Variants in OR6P1 observed in about 807,000 individuals in gnomAD.
OR6P1 encodes olfactory receptor family 6 subfamily P member 1, also known as olfactory receptor 6P1.
OR6P1 carries 5 observed loss-of-function variants against 6.6 expected under a neutral mutation model. The observed-to-expected ratio is 0.76, with a 90% CI of 0.40 to 1.60. The LOEUF (loss-of-function observed/expected upper bound fraction) is 1.60. OR6P1 is among the 40% of genes most tolerant of loss of function. The probability of loss-of-function intolerance (pLI) is 0.02; values close to 1 mark genes in which losing one functional copy is unlikely to be tolerated. For missense variants in OR6P1, 451 were observed against 383.0 expected, an observed-to-expected ratio of 1.18 and a Z score of -1.48; for synonymous variants, 177 against 149.6, an observed-to-expected ratio of 1.18 and a Z score of -1.33.
In OR6P1 at chr1:158,562,877, G is replaced by A. The variant is rs1428810406; in HGVS notation, c.728C>T (p.Ala243Val). The change falls in exon 3 of 3, where the codon GCT becomes GTT. Residue 243 changes from alanine to valine, a missense_variant. Transcript: ENST00000641540. Reference sequence around the variant, plus strand: ...GTAGATAACAACCACTGCCAGATGAGCGGCACAAGTGGAAAAGGCTTTGTG... The same window carrying A: ...GTAGATAACAACCACTGCCAGATGAACGGCACAAGTGGAAAAGGCTTTGTG... ...GRHKAFSTCA[A>V]HLAVVVIYYS... The A allele has an allele frequency of 2.0e-5, 31 of 1,552,056 alleles. No individual in the cohort carries two copies. Among genetic ancestry groups the A allele is most frequent in the Non-Finnish European group, 2.5e-5 (29 of 1,147,082 alleles).
Position 158,561,000 on chromosome 1 carries a change from C to A in OR6P1, c.*1651G>T, listed in dbSNP as rs1220100914. On this transcript the variant is annotated 3_prime_UTR_variant, in exon 3 of 3. Transcript: ENST00000641540. ...CCAGAACTAGAAATTAATCCAAGAT[C>A]AAATTTATCCAAAAGGAAAGAGAAA... is the stretch of plus-strand genomic sequence containing the variant. 1.3e-5 allele frequency: 2 copies of A among 151,936 alleles called. No individual in the cohort carries two copies. The highest frequency in any genetic ancestry group is 4.8e-5 in the African/African-American group (2 of 41,328). 9.4% of individuals were successfully genotyped at this position (151,936 alleles called of 1,614,324 possible).
At position 158,563,607 on chromosome 1, in the gene OR6P1, C is replaced by A; in HGVS notation, c.-3G>T. ...TGGCCTCCACTCAAATTTCTCATGG[C>A]TCTCTGTCCACTTGAGTGCCTAAAA... On this transcript the variant is annotated 5_prime_UTR_variant, in exon 3 of 3. Coordinates refer to ENST00000641540, the MANE Select transcript of OR6P1 (RefSeq NM_001160325.2). 6.5e-7 allele frequency: 1 copy of A among 1,528,210 alleles called. No individual in the cohort carries two copies. The highest frequency in any genetic ancestry group is 8.8e-7 in the Non-Finnish European group (1 of 1,137,648). 94.7% of individuals were successfully genotyped at this position (1,528,210 alleles called of 1,614,324 possible).
Position 158,562,940 on chromosome 1 carries a change from A to G in OR6P1, c.665T>C (p.Ile222Thr), listed in dbSNP as rs1053749823. 8 of 1,551,656 alleles carry G rather than the reference A, an allele frequency of 5.2e-6. No homozygotes were observed. The highest frequency in any genetic ancestry group is 2.7e-5 in the African/African-American group (2 of 73,040). ...CGTAGGGATCCTCAGGATGGCTGCAATGATGGCAGTGTATGATGAAACCAC... is the reference window on the plus strand; with the variant it reads ...CGTAGGGATCCTCAGGATGGCTGCAGTGATGGCAGTGTATGATGAAACCAC... The part of the protein sequence containing the change: ...LAVVSSYTAI[I>T]AAILRIPTSR... Residue 222 changes from isoleucine (I) to threonine (T), a missense_variant, in exon 3 of 3, where the codon ATT (isoleucine) becomes ACT (threonine). Ile to Thr is a moderately conservative substitution (Grantham distance 89). Transcript: ENST00000641540.
chr1:158,563,434 A>G lies in OR6P1; in HGVS notation c.171T>C (p.Arg57=), dbSNP rs12081915. Residue 57 remains arginine, a synonymous_variant, in exon 3 of 3, where the codon CGT becomes CGC. Transcript: ENST00000641540. ...GATGGCCAAGGAAAAAGTACATGGG[A>G]CGATGAAGGCTTGGAGCAAGCCATA... The part of the protein sequence containing the change: ...FTIWLAPSLH[R]PMYFFLGHLS... 737,932 of 1,550,310 alleles carry G rather than the reference A, an allele frequency of 0.48. 177,991 individuals are homozygous for G. The highest frequency in any genetic ancestry group is 0.64 in the African/African-American group (46,957 of 72,940).
rs866035897 is a variant in OR6P1, at chr1:158,563,439, G to A, written c.166C>T (p.His56Tyr). 6.4e-7 allele frequency: 1 copy of A among 1,551,184 alleles called. No homozygotes were observed. Among genetic ancestry groups the A allele is most frequent in the Non-Finnish European group, 8.7e-7 (1 of 1,146,780 alleles). The change falls in exon 3 of 3, where the codon CAT becomes TAT. Residue 56 changes from histidine (H) to tyrosine (Y), a missense_variant. His to Tyr is a moderately conservative substitution (Grantham distance 83). Coordinates refer to ENST00000641540, the MANE Select transcript of OR6P1 (RefSeq NM_001160325.2). ...CCAAGGAAAAAGTACATGGGACGAT[G>A]AAGGCTTGGAGCAAGCCATATTGTG... ...VFTIWLAPSL[H>Y]RPMYFFLGHL...
At chr1:158,567,183 T>C (rs982359198) in intron 1 of OR6P1, among the ~76,000 whole-genome samples, 2 of 151,730 alleles carry the variant, frequency 1.3e-5, no homozygotes, top group African/African-American at 4.8e-5. Flanking sequence ...GGAACACTTT[T>C]ACACTGTTGG....
Position 158,561,542 on chromosome 1 carries a change from A to G in OR6P1, c.*1109T>C, listed in dbSNP as rs144626608. The G allele has an allele frequency of 6.6e-6, 1 of 152,314 alleles. No individual in the cohort carries two copies. The highest frequency in any genetic ancestry group is 6.5e-5 in the Admixed American group (1 of 15,298). The allele number at this position is 152,314 out of a possible 1,614,324, so 9.4% of individuals were successfully genotyped here. On this transcript the variant is annotated 3_prime_UTR_variant, in exon 3 of 3. Transcript: ENST00000641540. ...CAATATGCATATTTATTGTTATTGC[A>G]TATTTATTTTGTTTCACATATCCCA...
At chr1:158,564,495 G>C (rs1201274407) in intron 2 of OR6P1, among the ~76,000 whole-genome samples, 2 of 152,152 alleles carry the variant, frequency 1.3e-5, no homozygotes, top group African/African-American at 4.8e-5. Flanking sequence ...ACACACAGAG[G>C]AGAAGGCAAT....
At position 158,560,623 on chromosome 1, in the gene OR6P1, T is replaced by G. The variant is rs1054486289; in HGVS notation, c.*2028A>C. ...AGAAGGGCAGTTTTAGGAGTTTCTC[T>G]TACAGAAAGGAAGTCCTGAAAGCAG... On this transcript the variant is annotated 3_prime_UTR_variant, in exon 3 of 3. Coordinates refer to ENST00000641540, the MANE Select transcript of OR6P1 (RefSeq NM_001160325.2). 1 of 152,170 alleles carries G rather than the reference T, an allele frequency of 6.6e-6. No individual in the cohort carries two copies. The highest frequency in any genetic ancestry group is 2.4e-5 in the African/African-American group (1 of 41,438). The allele number at this position is 152,170 out of a possible 1,614,324, so 9.4% of individuals were successfully genotyped here. A position where few individuals can be genotyped will look rare whatever the true frequency, so the allele number is the denominator to read the frequency against.
chr1:158,562,971 A>T lies in OR6P1; in HGVS notation c.634T>A (p.Leu212Met). The change falls in exon 3 of 3, where the codon TTG becomes ATG. Residue 212 changes from leucine to methionine, a missense_variant. By Grantham distance (15) the Leu-to-Met change is conservative. Transcript: ENST00000641540. ...LALVMILLPL[L>M]AVVSSYTAII... is the part of the protein sequence containing the mutation. ...GCAGTGTATGATGAAACCACAGCCA[A>T]TAGAGGGAGTAGAATCATCACCAGG... is the stretch of plus-strand genomic sequence containing the variant. 6.4e-7 allele frequency: 1 copy of T among 1,551,730 alleles called. No homozygotes were observed. Among genetic ancestry groups the T allele is most frequent in the Non-Finnish European group, 8.7e-7 (1 of 1,147,004 alleles).
chr1:158,569,649 G>T (rs1275073919), intron 1 of OR6P1, among the ~76,000 whole-genome samples: 1 of 152,144 alleles, frequency 6.6e-6, no homozygotes, highest in Non-Finnish European at 1.5e-5. Flanking sequence ...ACTCTGTGCA[G>T]GGTAGTGAGT....
At chr1:158,565,469 T>C (rs1358118135) in intron 2 of OR6P1, among the ~76,000 whole-genome samples, 5 of 152,222 alleles carry the variant, frequency 3.3e-5, no homozygotes, top group Non-Finnish European at 7.3e-5. Flanking sequence ...AAGTCTTTTA[T>C]TGATTTCTCT....
rs893734038 is a variant in OR6P1 at position 158,561,963 on chromosome 1, A to T, written c.*688T>A. 6.6e-6 allele frequency: 1 copy of T among 152,422 alleles called. No homozygotes were observed. The highest frequency in any genetic ancestry group is 2.4e-5 in the African/African-American group (1 of 41,582). 9.4% of individuals were successfully genotyped at this position (152,422 alleles called of 1,614,324 possible). A position where few individuals can be genotyped will look rare whatever the true frequency, so the allele number is the denominator to read the frequency against. On this transcript the variant is annotated 3_prime_UTR_variant, in exon 3 of 3. Coordinates refer to ENST00000641540, the MANE Select transcript of OR6P1 (RefSeq NM_001160325.2). ...TACCTGGTCAATATTTGTTAGGTCA[A>T]CCAGCTTTACATGCCCCTGAGATTC...
rs1300857037 is a variant in OR6P1 at position 158,563,099 on chromosome 1, C to G, written c.506G>C (p.Cys169Ser). ...AAAGTGGTTGATAATGTTGGGTCCA[C>G]AGTAGGACAATTGGGAAATAAAAAG... ...KLLFISQLSY[C>S]GPNIINHFFC... Residue 169 changes from cysteine to serine, a missense_variant, in exon 3 of 3, where the codon TGT (cysteine) becomes TCT (serine). By Grantham distance (112) the Cys-to-Ser change is moderately radical. Coordinates refer to ENST00000641540, the MANE Select transcript of OR6P1 (RefSeq NM_001160325.2). 13 of 1,551,632 alleles carry G rather than the reference C, an allele frequency of 8.4e-6. No individual in the cohort carries two copies. In the African/African-American group the frequency reaches 1.2e-4, roughly 15 times the overall value.
At position 158,563,318 on chromosome 1, in the gene OR6P1, C is replaced by A; in HGVS notation, c.287G>T (p.Gly96Val). Residue 96 changes from glycine to valine, a missense_variant, in exon 3 of 3, where the codon GGT becomes GTT. By Grantham distance (109) the Gly-to-Val change is moderately radical (BLOSUM62 -3). Coordinates refer to ENST00000641540, the MANE Select transcript of OR6P1 (RefSeq NM_001160325.2). ...LTQDGRVSYV[G>V]CMTQLYFFIA... ...AAAGAAGTACAGTTGGGTCATGCAACCTACGTAGGAGACTCTACCATCCTG... is the reference window on the plus strand; with the variant it reads ...AAAGAAGTACAGTTGGGTCATGCAAACTACGTAGGAGACTCTACCATCCTG... The A allele has an allele frequency of 6.4e-7, 1 of 1,551,432 alleles. No individual in the cohort carries two copies. Among genetic ancestry groups the A allele is most frequent in the Non-Finnish European group, 8.7e-7 (1 of 1,146,926 alleles).
chr1:158,567,939 C>A (rs1454747318), intron 1 of OR6P1, among the ~76,000 whole-genome samples: 1 of 152,106 alleles, frequency 6.6e-6, no homozygotes, highest in Non-Finnish European at 1.5e-5. Context: ...GACAAGACTG[C>A]AAGTTGGTCC....
Position 158,562,657 on chromosome 1 carries a change from C to A in OR6P1, c.948G>T (p.Gln316His), listed in dbSNP as rs200912715. The A allele has an allele frequency of 1.5e-3, 2,243 of 1,546,406 alleles. 2 individuals are homozygous for A. Among genetic ancestry groups the A allele is most frequent in the Non-Finnish European group, 1.8e-3 (2,064 of 1,141,574 alleles). Residue 316 changes from glutamine to histidine, a missense_variant, in exon 3 of 3, where the codon CAG becomes CAT. Physicochemically the swap from Gln to His is conservative, Grantham distance 24 (BLOSUM62 0). Coordinates refer to ENST00000641540, the MANE Select transcript of OR6P1 (RefSeq NM_001160325.2). ...TCCCAAGACCTGTTGTATATCAGTC[C>A]TGAACATCCCTAGGATAGTGACATC... ...MGRCHYPRDVQD is the reference protein window; with the variant it reads ...MGRCHYPRDVHD
rs1647963837 is a variant in OR6P1 at position 158,561,979 on chromosome 1, C to G, written c.*672G>C. ...GTTAGGTCAACCAGCTTTACATGCC[C>G]CTGAGATTCAAAGAAGGGAGATGGA... On this transcript the variant is annotated 3_prime_UTR_variant, in exon 3 of 3. Coordinates refer to ENST00000641540, the MANE Select transcript of OR6P1 (RefSeq NM_001160325.2). The G allele has an allele frequency of 6.6e-6, 1 of 152,172 alleles. No individual in the cohort carries two copies. Among genetic ancestry groups the G allele is most frequent in the Admixed American group, 6.5e-5 (1 of 15,272 alleles). The allele number at this position is 152,172 out of a possible 1,614,324, so 9.4% of individuals were successfully genotyped here. A position where few individuals can be genotyped will look rare whatever the true frequency, so the allele number is the denominator to read the frequency against.
At chr1:158,565,226 C>T (rs1267963133) in intron 2 of OR6P1, among the ~76,000 whole-genome samples, 1 of 151,962 alleles carries the variant, frequency 6.6e-6, no homozygotes, top group Non-Finnish European at 1.5e-5. Context: ...CACAGGGAGT[C>T]TAATTTTTTA....
Sources: gnomAD v4.1 joint callset for allele counts (sites outside exome capture counted in the v4.1 genomes callset) on GRCh38, gnomAD v4.1.1 for gene constraint, MANE v1.5 for transcripts, NCBI Gene and HGNC (gene_info 2026-07-23, HGNC 2026-07-21) for gene names.